The following MDGA2 variants were observed in gnomAD, a reference collection of about 807,000 sequenced individuals.
MDGA2 encodes the protein MAM domain-containing glycosylphosphatidylinositol anchor protein 2.
In MDGA2, 40 loss-of-function variants were observed where a neutral mutation model predicts 117.8. That is an observed-to-expected ratio of 0.34 (90% CI 0.26 to 0.44). The LOEUF (loss-of-function observed/expected upper bound fraction) is 0.44. Ranked by LOEUF, MDGA2 falls within the 20% of genes least tolerant of loss-of-function variation. The probability of loss-of-function intolerance (pLI) is 1.00; values close to 1 mark genes in which losing one functional copy is unlikely to be tolerated. For missense variants in MDGA2, 1,123 were observed against 1,250.6 expected (o/e 0.90, Z 1.54); for synonymous variants, 452 against 439.0 (o/e 1.03, Z -0.37).
intron 2 of MDGA2, among the ~76,000 whole-genome samples, chr14:47,241,692 T>C (rs1020861891): frequency 2.6e-5 from 4 of 151,864 alleles, no homozygotes; most frequent in Non-Finnish European, 5.9e-5. Flanking sequence ...CCAACTCTTT[T>C]CCTCTGACTG....
chr14:46,932,361 T>C (rs61234756), intron 9 of MDGA2, among the ~76,000 whole-genome samples: 5,575 of 152,162 alleles, frequency 0.037, 367 homozygotes, highest in African/African-American at 0.13. Flanking sequence ...TTACATTATA[T>C]AAACTAATTT....
chr14:47,599,648 T>C (rs568778370), intron 1 of MDGA2, among the ~76,000 whole-genome samples: 1 of 152,308 alleles, frequency 6.6e-6, no homozygotes, highest in East Asian at 1.9e-4. Flanking sequence ...ATTATACTAA[T>C]GTAGAACTGG....
At chr14:47,463,692 A>G (rs1189087801) in intron 1 of MDGA2, among the ~76,000 whole-genome samples, 1 of 152,212 alleles carries the variant, frequency 6.6e-6, no homozygotes, top group East Asian at 1.9e-4. Flanking sequence ...GAACAGGGTC[A>G]TATACTTAGT....
At chr14:47,151,767 T>C (rs944990708) in intron 3 of MDGA2, among the ~76,000 whole-genome samples, 4 of 151,818 alleles carry the variant, frequency 2.6e-5, no homozygotes, top group Admixed American at 6.6e-5. Context: ...ATTTGATATG[T>C]ATTTATTTTA....
chr14:47,669,314 C>G (rs780601202), intron 1 of MDGA2, among the ~76,000 whole-genome samples: 5 of 152,136 alleles, frequency 3.3e-5, no homozygotes, highest in African/African-American at 4.8e-5. Context: ...CCTGGAATTA[C>G]TTTTGTGACA....
chr14:47,623,039 T>C (rs990546108), intron 1 of MDGA2, among the ~76,000 whole-genome samples: 14 of 152,186 alleles, frequency 9.2e-5, no homozygotes, highest in African/African-American at 3.4e-4. Flanking sequence ...TGTTGAGAAG[T>C]GGGACTATTC....
At chr14:46,987,286 T>TG (rs769918221) in intron 8 of MDGA2, among the ~76,000 whole-genome samples, 5 of 152,152 alleles carry the variant, frequency 3.3e-5, no homozygotes, top group Non-Finnish European at 7.4e-5. Flanking sequence ...GTCCATGTGA[T>TG]GAATGAGTCC....
At chr14:47,013,772 G>GTATGTATA (rs1555343312) in intron 8 of MDGA2, among the ~76,000 whole-genome samples, 19 of 93,696 alleles carry the variant, frequency 2.0e-4, no homozygotes, top group Non-Finnish European at 2.8e-4. Flanking sequence ...TAATTTCCTT[G>GTATGTATA]TATATATATA....
chr14:47,500,980 T>C (rs1439967619), intron 1 of MDGA2, among the ~76,000 whole-genome samples: 1 of 152,132 alleles, frequency 6.6e-6, no homozygotes, highest in Non-Finnish European at 1.5e-5. Context: ...GTGAATTTTG[T>C]TAGATTACAT....
Position 46,886,974 on chromosome 14 carries a change from G to C in MDGA2, c.2239-4753C>G, listed in dbSNP as rs1385755971. ...TAAGTCTCAACCATCAGCAATTATG[G>C]TTCAATGAGATCTAAAAATACGATC... On this transcript the variant is annotated intron_variant, in intron 10 of 16. Coordinates refer to ENST00000399232, the MANE Select transcript of MDGA2 (RefSeq NM_001113498.3). Among the ~76,000 whole-genome samples the C allele has an allele frequency of 2.0e-5, 3 of 151,954 alleles. No individual in the cohort carries two copies. In the East Asian group the frequency reaches 5.8e-4, roughly 29 times the overall value.
chr14:47,010,962 G>A (rs554924802), intron 8 of MDGA2, among the ~76,000 whole-genome samples: 2 of 151,986 alleles, frequency 1.3e-5, no homozygotes, highest in South Asian at 4.1e-4. Context: ...ATATCCATTT[G>A]CAGTAAGAGA....
intron 1 of MDGA2, among the ~76,000 whole-genome samples, chr14:47,374,292 G>A (rs910658842): frequency 1.3e-5 from 2 of 152,046 alleles, no homozygotes; most frequent in African/African-American, 4.8e-5. Flanking sequence ...GAGAAGTCCT[G>A]AGTTCTCATG....
At chr14:46,915,879 G>A (rs892553102) in intron 10 of MDGA2, among the ~76,000 whole-genome samples, 9 of 152,138 alleles carry the variant, frequency 5.9e-5, no homozygotes, top group Non-Finnish European at 8.8e-5. Context: ...CTGAACCCAG[G>A]AGCTTGTATT....
intron 10 of MDGA2, among the ~76,000 whole-genome samples, chr14:46,913,149 A>C (rs143144895): frequency 1.3e-5 from 2 of 152,138 alleles, no homozygotes; most frequent in Non-Finnish European, 2.9e-5. Flanking sequence ...AGTTCTGCCT[A>C]TTTTAACGTT....
chr14:47,145,565 A>G (rs1273961741), intron 3 of MDGA2, among the ~76,000 whole-genome samples: 1 of 152,198 alleles, frequency 6.6e-6, no homozygotes, highest in Non-Finnish European at 1.5e-5. Flanking sequence ...AGTATGATGC[A>G]AAACCTGCTG....
At chr14:47,263,633 T>C (rs1364959936) in intron 2 of MDGA2, among the ~76,000 whole-genome samples, 2 of 152,138 alleles carry the variant, frequency 1.3e-5, no homozygotes, top group African/African-American at 4.8e-5. Context: ...TTAATCTGCA[T>C]TGGACTTTCT....
At chr14:47,494,168 T>C (rs1045343365) in intron 1 of MDGA2, among the ~76,000 whole-genome samples, 2 of 152,230 alleles carry the variant, frequency 1.3e-5, no homozygotes, top group Non-Finnish European at 2.9e-5. Flanking sequence ...CCAGCCGTAC[T>C]GAACTGTGTG....
At chr14:47,501,660 T>C (rs1404868159) in intron 1 of MDGA2, among the ~76,000 whole-genome samples, 2 of 152,150 alleles carry the variant, frequency 1.3e-5, no homozygotes, top group African/African-American at 4.8e-5. Context: ...GTATGACTGA[T>C]GTCATAAAGG....
chr14:47,148,005 C>G (rs113147757), intron 3 of MDGA2, among the ~76,000 whole-genome samples: 1 of 151,994 alleles, frequency 6.6e-6, no homozygotes, highest in African/African-American at 2.4e-5. Flanking sequence ...AAGAGAATAC[C>G]GAGAAATGAC....
Sources: allele counts gnomAD v4.1 joint callset (sites outside exome capture counted in the v4.1 genomes callset), GRCh38; gene constraint gnomAD v4.1.1; transcripts MANE v1.5; gene names NCBI Gene and HGNC (gene_info 2026-07-23, HGNC 2026-07-21).